The following AGBL4 variants were observed in gnomAD, a reference collection of about 807,000 sequenced individuals.
AGBL4 encodes AGBL carboxypeptidase 4, also known as cytosolic carboxypeptidase 6.
A neutral mutation model predicts 66.4 loss-of-function variants in AGBL4; 58 were observed. That is an observed-to-expected ratio of 0.87 (90% CI 0.71 to 1.09). The LOEUF (loss-of-function observed/expected upper bound fraction) is 1.09. Ranked by LOEUF, AGBL4 falls within the 50% of genes least tolerant of loss-of-function variation. The pLI is 0.00. For synonymous variants in AGBL4, 234 were observed against 222.9 expected (o/e 1.05, Z -0.44); for missense variants, 579 against 631.0 (o/e 0.92, Z 0.88).
intron 4 of AGBL4, among the ~76,000 whole-genome samples, chr1:49,146,821 G>T (rs1406036973): frequency 1.3e-5 from 2 of 152,228 alleles, no homozygotes; most frequent in Non-Finnish European, 2.9e-5. Flanking sequence ...CCATTCTTCT[G>T]CCTCATCCAT....
intron 6 of AGBL4, chr1:48,818,359 A>T: frequency 1.5e-6 from 1 of 686,476 alleles, no homozygotes; most frequent in Non-Finnish European, 2.7e-6. Context: ...CATACATGAA[A>T]CATTGCACTA....
intron 11 of AGBL4, among the ~76,000 whole-genome samples, chr1:48,568,604 A>G (rs1644512106): frequency 6.6e-6 from 1 of 152,198 alleles, no homozygotes; most frequent in African/African-American, 2.4e-5. Context: ...TATGCCCAAC[A>G]TTAGTGGGGC....
chr1:49,722,543 T>A (rs1648688271), intron 2 of AGBL4, among the ~76,000 whole-genome samples: 1 of 152,186 alleles, frequency 6.6e-6, no homozygotes, highest in African/African-American at 2.4e-5. Flanking sequence ...ATGTTTTATA[T>A]GTCATCATAC....
chr1:48,598,027 T>G (rs1645021866), intron 9 of AGBL4, among the ~76,000 whole-genome samples: 1 of 152,082 alleles, frequency 6.6e-6, no homozygotes, highest in Non-Finnish European at 1.5e-5. Flanking sequence ...AAAGCAAGGA[T>G]GAGTGTATTG....
rs61327728 is a variant in AGBL4, at chr1:49,445,731, A to G, written c.283-199867T>C. On this transcript the variant is annotated intron_variant, in intron 3 of 13. Coordinates refer to ENST00000371839, the MANE Select transcript of AGBL4 (RefSeq NM_032785.4). ...TATTTGGTTCTTTTTAAAAATACCTATCTCTTTGGTAAATTTCCCATTCAT... is the reference window on the plus strand; with the variant it reads ...TATTTGGTTCTTTTTAAAAATACCTGTCTCTTTGGTAAATTTCCCATTCAT... Among the ~76,000 whole-genome samples, 188 of 152,158 alleles carry G rather than the reference A, an allele frequency of 1.2e-3. 2 individuals carry two copies. Among genetic ancestry groups the G allele is most frequent in the Admixed American group, 9.0e-3 (137 of 15,288 alleles).
At chr1:48,596,149 T>A (rs991288400) in intron 9 of AGBL4, among the ~76,000 whole-genome samples, 2 of 152,164 alleles carry the variant, frequency 1.3e-5, no homozygotes, top group Non-Finnish European at 2.9e-5. Context: ...AAACTCTCCA[T>A]GTCCTGTACC....
chr1:49,976,390 AAAT>A (rs1241093713), intron 1 of AGBL4, among the ~76,000 whole-genome samples: 2 of 152,182 alleles, frequency 1.3e-5, no homozygotes, highest in Non-Finnish European at 2.9e-5. Flanking sequence ...ATATTGATAT[AAAT>A]AACTGCACTA....
chr1:49,138,473 C>T (rs1216169721), intron 4 of AGBL4, among the ~76,000 whole-genome samples: 2 of 152,124 alleles, frequency 1.3e-5, no homozygotes, highest in Non-Finnish European at 2.9e-5. Context: ...TTCTTTGATG[C>T]CAATTTGTTC....
chr1:48,791,817 A>T (rs1482303503), intron 6 of AGBL4, among the ~76,000 whole-genome samples: 1 of 152,202 alleles, frequency 6.6e-6, no homozygotes, highest in Non-Finnish European at 1.5e-5. Context: ...AAAACATAAA[A>T]AAAAGTTTGA....
intron 3 of AGBL4, among the ~76,000 whole-genome samples, chr1:49,682,341 T>C (rs1571320724): frequency 6.6e-6 from 1 of 151,898 alleles, no homozygotes; most frequent in Non-Finnish European, 1.5e-5. Flanking sequence ...GAGGTGGAGG[T>C]TGCAGTGAGC....
intron 1 of AGBL4, among the ~76,000 whole-genome samples, chr1:49,918,672 T>G (rs1651853101): frequency 6.6e-6 from 1 of 152,214 alleles, no homozygotes; most frequent in Non-Finnish European, 1.5e-5. Flanking sequence ...AAGGAGCTGG[T>G]ACCATTCCTT....
intron 1 of AGBL4, among the ~76,000 whole-genome samples, chr1:49,886,563 G>A (rs948606721): frequency 6.6e-6 from 1 of 152,152 alleles, no homozygotes; most frequent in South Asian, 2.1e-4. Context: ...TCACAGAGAG[G>A]AGAAAAAATA....
At chr1:49,786,605 T>C (rs1044720937) in intron 2 of AGBL4, among the ~76,000 whole-genome samples, 2 of 152,310 alleles carry the variant, frequency 1.3e-5, no homozygotes, top group Admixed American at 1.3e-4. Context: ...CTCAGTTTCA[T>C]CTCCAGACAA....
intron 3 of AGBL4, among the ~76,000 whole-genome samples, chr1:49,484,096 A>C (rs1647012770): frequency 6.6e-6 from 1 of 152,118 alleles, no homozygotes; most frequent in African/African-American, 2.4e-5. Context: ...GTCAGGCAAT[A>C]ACAAATGCAA....
In AGBL4 at chr1:49,656,488, A is replaced by C. The variant is rs369507162; in HGVS notation, c.282+40825T>G. On this transcript the variant is annotated intron_variant, in intron 3 of 13. Coordinates refer to ENST00000371839, the MANE Select transcript of AGBL4 (RefSeq NM_032785.4). ...TCCAATCAATAGAAAAAGAGGGAAT[A>C]CTCCCTAACTCATTTTATGAGGCCA... is the stretch of plus-strand genomic sequence containing the variant. Among the ~76,000 whole-genome samples, 17 of 152,234 alleles carry C rather than the reference A, an allele frequency of 1.1e-4. 1 individual carries two copies. Among genetic ancestry groups the C allele is most frequent in the African/African-American group, 2.6e-4 (11 of 41,536 alleles).
At chr1:49,938,861 G>A (rs1402473332) in intron 1 of AGBL4, among the ~76,000 whole-genome samples, 1 of 152,026 alleles carries the variant, frequency 6.6e-6, no homozygotes, top group African/African-American at 2.4e-5. Flanking sequence ...GGGCAATTAG[G>A]CAGGAGAAGG....
intron 3 of AGBL4, among the ~76,000 whole-genome samples, chr1:49,659,711 G>C (rs1646230125): frequency 6.6e-6 from 1 of 152,142 alleles, no homozygotes; most frequent in African/African-American, 2.4e-5. Context: ...ACAGATCATT[G>C]AGACAGAAAA....
chr1:49,511,625 A>T (rs186791652), intron 3 of AGBL4, among the ~76,000 whole-genome samples: 154 of 151,524 alleles, frequency 1.0e-3, no homozygotes, highest in South Asian at 9.4e-3. Flanking sequence ...TTTTTTTTTA[A>T]AAAAATTGAA....
chr1:49,068,478 G>C (rs1644535643), intron 4 of AGBL4, among the ~76,000 whole-genome samples: 2 of 151,904 alleles, frequency 1.3e-5, no homozygotes. Flanking sequence ...AGAACATGAG[G>C]TGTTTGGTTT....
Sources: allele counts gnomAD v4.1 joint callset (sites outside exome capture counted in the v4.1 genomes callset), GRCh38; gene constraint gnomAD v4.1.1; transcripts MANE v1.5; gene names NCBI Gene and HGNC (gene_info 2026-07-23, HGNC 2026-07-21).